Variants in ERMP1 observed in about 807,000 individuals in gnomAD.
ERMP1 encodes Felix-ina.
A neutral mutation model predicts 92.0 loss-of-function variants in ERMP1; 86 were observed. That is an observed-to-expected ratio of 0.93 (90% confidence interval 0.79 to 1.12). The LOEUF (loss-of-function observed/expected upper bound fraction) is 1.12. Ranked by LOEUF, ERMP1 falls within the 50% of genes most tolerant of loss-of-function variation. The probability of loss-of-function intolerance (pLI) is 0.00; values close to 1 mark genes in which losing one functional copy is unlikely to be tolerated. For synonymous variants in ERMP1, 530 were observed against 412.8 expected, an observed-to-expected ratio of 1.28 and a Z score of -3.44; for missense variants, 1,342 against 1,116.3, an observed-to-expected ratio of 1.20 and a Z score of -2.88.
intron 13 of ERMP1, among the ~76,000 whole-genome samples, chr9:5,797,181 C>T (rs1828463169): frequency 6.6e-6 from 1 of 151,824 alleles, no homozygotes; most frequent in Non-Finnish European, 1.5e-5. Context: ...AGACTACAGG[C>T]ATGCACCAAC....
chr9:5,813,185 A>G, intron 4 of ERMP1, 150 bp from the exon 5 acceptor site: 1 of 729,388 alleles, frequency 1.4e-6, no homozygotes, highest in South Asian at 1.9e-5. Context: ...TGTAGTTTCC[A>G]ATGTTTCTCT....
At chr9:5,812,595 A>C (rs1177490978) in intron 5 of ERMP1, 2 of 443,626 alleles carry the variant, frequency 4.5e-6, no homozygotes, top group Admixed American at 7.6e-5. Context: ...TGGCAAACCA[A>C]GACAACAACG....
Position 5,811,201 on chromosome 9 carries a change from G to C in ERMP1, c.1237C>G (p.Pro413Ala), listed in dbSNP as rs1395269132. The change falls in exon 7 of 15, where the codon CCC becomes GCC. Residue 413 changes from proline to alanine, a missense_variant. By Grantham distance (27) the Pro-to-Ala change is conservative. Transcript: ENST00000339450. ...DVLGLFVIAYPSRIGSIINYM... is the reference protein window; with the variant it reads ...DVLGLFVIAYASRIGSIINYM... ...TTTATGATTGAGCCAATACGAGAGG[G>C]GTAGGCAATGACAAACAGGCCCAGC... 5 of 1,613,772 alleles carry C rather than the reference G, an allele frequency of 3.1e-6. No individual in the cohort carries two copies. The highest frequency in any genetic ancestry group is 1.3e-5 in the African/African-American group (1 of 74,834).
At chr9:5,795,340 G>A (rs1348318231) in intron 13 of ERMP1, among the ~76,000 whole-genome samples, 1 of 152,208 alleles carries the variant, frequency 6.6e-6, no homozygotes, top group East Asian at 1.9e-4. Flanking sequence ...ACAAGGCAAA[G>A]ATGTCCCCTC....
intron 10 of ERMP1, 23 bp downstream of exon 10, chr9:5,805,004 G>GA: frequency 6.4e-7 from 1 of 1,568,848 alleles, no homozygotes; most frequent in South Asian, 1.2e-5. Context: ...TGAAGAAAAA[G>GA]AAAAAAACTT....
chr9:5,828,676 A>G (rs1829817902), intron 2 of ERMP1, among the ~76,000 whole-genome samples: 1 of 152,190 alleles, frequency 6.6e-6, no homozygotes, highest in Admixed American at 6.5e-5. Context: ...AGTATCTCCC[A>G]TGTACATGAA....
chr9:5,811,768 G>A (rs1385391855), intron 6 of ERMP1, among the ~76,000 whole-genome samples: 1 of 152,150 alleles, frequency 6.6e-6, no homozygotes, highest in African/African-American at 2.4e-5. Context: ...CTTTCACGAA[G>A]CTCAGAGATG....
chr9:5,832,033 T>G (rs1330746001), intron 1 of ERMP1, among the ~76,000 whole-genome samples: 2 of 151,696 alleles, frequency 1.3e-5, no homozygotes, highest in Admixed American at 1.3e-4. Context: ...TTGACACACC[T>G]GGGTTACAAT....
At chr9:5,865,204 A>G (rs1830615673) in intron 5 of ERMP1, among the ~76,000 whole-genome samples, 1 of 152,208 alleles carries the variant, frequency 6.6e-6, no homozygotes, top group Admixed American at 6.5e-5. Context: ...ATGCCCAATC[A>G]TACTTTAAAA....
Position 5,805,668 on chromosome 9 carries a change from A to AG in ERMP1, c.1665dup (p.Trp556LeufsTer14), listed in dbSNP as rs774811057. The AG allele has an allele frequency of 2.5e-6, 4 of 1,613,196 alleles. No individual in the cohort carries two copies. The Admixed American group carries it at 5.0e-5, about 20-fold the overall frequency. On this transcript the variant is annotated frameshift_variant, in exon 9 of 15. Coordinates refer to ENST00000339450, the MANE Select transcript of ERMP1 (RefSeq NM_024896.3). LOFTEE classifies it high-confidence loss of function. Reference sequence around the variant, plus strand: ...TTTGTGAGCAATGGGAATGCTACCCAGACAGCACTAATAAACGCCGAGCAA... The same window carrying AG: ...TTTGTGAGCAATGGGAATGCTACCCAGGACAGCACTAATAAACGCCGAGCAA...
At position 5,831,118 on chromosome 9, in the gene ERMP1, A is replaced by T. The variant is rs1007259522; in HGVS notation, c.339-90T>A. 8.1e-6 allele frequency: 8 copies of T among 984,312 alleles called. No individual in the cohort carries two copies. The Admixed American group carries it at 1.7e-4, about 21-fold the overall frequency. 61.0% of individuals were successfully genotyped at this position (984,312 alleles called of 1,614,324 possible). On this transcript the variant is annotated intron_variant, in intron 1 of 14. Transcript: ENST00000339450. ...TTCCACTACACACCCCTTCCTCCCC[A>T]AAAAAGCTTAGTTCTTTGCCTTATA...
intron 6 of ERMP1, among the ~76,000 whole-genome samples, chr9:5,845,381 A>G (rs1830222929): frequency 6.6e-6 from 1 of 152,170 alleles, no homozygotes; most frequent in African/African-American, 2.4e-5. Flanking sequence ...TGGGCAACAT[A>G]GCAAGACCCC....
chr9:5,806,977 T>G (rs890155492), intron 8 of ERMP1, among the ~76,000 whole-genome samples: 1 of 152,156 alleles, frequency 6.6e-6, no homozygotes, highest in Admixed American at 6.5e-5. Context: ...GCTAAATACT[T>G]AAGTTATTAA....
intron 4 of ERMP1, among the ~76,000 whole-genome samples, chr9:5,821,591 G>A (rs928538525): frequency 1.3e-5 from 2 of 152,002 alleles, no homozygotes; most frequent in Non-Finnish European, 2.9e-5. Context: ...TAACCTCTCC[G>A]GACTACACAT....
chr9:5,797,853 G>T lies in ERMP1; in HGVS notation c.2350C>A (p.Pro784Thr), dbSNP rs779965849. ...AAAGTCAATTTTATAGAATCCCAAG[G>T]TGTCTGTTCTTTGGATATGAGTCGG... ...HFRLISKEQT[P>T]WDSIKLTFEA... is the part of the protein sequence containing the mutation. Residue 784 changes from proline to threonine, a missense_variant, in exon 13 of 15, where the codon CCT becomes ACT. By Grantham distance (38) the Pro-to-Thr change is conservative. Coordinates refer to ENST00000339450, the MANE Select transcript of ERMP1 (RefSeq NM_024896.3). 1.9e-6 allele frequency: 3 copies of T among 1,612,928 alleles called. No individual in the cohort carries two copies. Among genetic ancestry groups the T allele is most frequent in the South Asian group, 2.2e-5 (2 of 90,950 alleles).
intron 13 of ERMP1, among the ~76,000 whole-genome samples, chr9:5,788,577 C>A (rs528054871): frequency 9.9e-5 from 15 of 152,190 alleles, no homozygotes; most frequent in African/African-American, 3.6e-4. Context: ...TCTGGACTTT[C>A]TTACACTGAC....
chr9:5,803,963 A>T (rs1185092172), intron 10 of ERMP1, among the ~76,000 whole-genome samples: 1 of 152,192 alleles, frequency 6.6e-6, no homozygotes, highest in Non-Finnish European at 1.5e-5. Context: ...AGTCACATAT[A>T]TAGAGCTTTA....
At chr9:5,836,173 G>C (rs745779690), upstream of ERMP1, among the ~76,000 whole-genome samples, 8 of 152,168 alleles carry the variant, frequency 5.3e-5, no homozygotes, top group Non-Finnish European at 8.8e-5. Context: ...AAGGTAAGTG[G>C]AAGGACATAT....
rs946259312 is a variant in ERMP1 at position 5,805,302 on chromosome 9, C to T, written c.1724-85G>A. 6 of 1,043,748 alleles carry T rather than the reference C, an allele frequency of 5.7e-6. No homozygotes were observed. In the South Asian group the frequency reaches 6.9e-5, roughly 12 times the overall value. 64.7% of individuals were successfully genotyped at this position (1,043,748 alleles called of 1,614,324 possible). A position where few individuals can be genotyped will look rare whatever the true frequency, so the allele number is the denominator to read the frequency against. On this transcript the variant is annotated intron_variant, in intron 9 of 14. Transcript: ENST00000339450. ...TTATAGTACTGGTGTGCCTTGGTAC[C>T]CTAACAGAAATTAGGTTAGATGTGA...
Sources: gnomAD v4.1 joint callset for allele counts (sites outside exome capture counted in the v4.1 genomes callset) on GRCh38, gnomAD v4.1.1 for gene constraint, MANE v1.5 for transcripts, NCBI Gene and HGNC (gene_info 2026-07-23, HGNC 2026-07-21) for gene names.